MIB1: variants seen among roughly 807,000 people sequenced by gnomAD.
The protein encoded by MIB1 is E3 ubiquitin-protein ligase MIB1.
MIB1 carries 278 observed loss-of-function variants against 124.5 expected under a neutral mutation model. The ratio of observed to expected loss-of-function variants is 2.23; its 90% CI spans 2.02 to 2.47. MIB1 has a LOEUF of 2.47. Ranked by LOEUF, MIB1 falls within the 30% of genes most tolerant of loss-of-function variation. The pLI is 0.00. For missense variants in MIB1, 957 were observed against 1,254.4 expected (o/e 0.76, Z 3.58); for synonymous variants, 446 against 429.4 (o/e 1.04, Z -0.48).
chr18:21,805,437 ATCTT>A (rs1324448280), intron 10 of MIB1, among the ~76,000 whole-genome samples: 1 of 152,196 alleles, frequency 6.6e-6, no homozygotes, highest in East Asian at 1.9e-4. Context: ...TTTAAGTTGC[ATCTT>A]TCTTGATTGT....
intron 1 of MIB1, among the ~76,000 whole-genome samples, chr18:21,760,444 C>T (rs1035449905): frequency 2.6e-5 from 4 of 152,056 alleles, no homozygotes; most frequent in Admixed American, 1.3e-4. Context: ...GAATGGGTTG[C>T]TTTGTTTACA....
intron 7 of MIB1, among the ~76,000 whole-genome samples, chr18:21,797,727 T>C (rs1413465004): frequency 2.0e-5 from 3 of 152,060 alleles, no homozygotes; most frequent in Non-Finnish European, 1.5e-5. Flanking sequence ...AATTTTCTTT[T>C]TCAGGCTATA....
At chr18:21,795,400 A>G (rs972883089) in intron 7 of MIB1, among the ~76,000 whole-genome samples, 4 of 145,194 alleles carry the variant, frequency 2.8e-5, no homozygotes, top group African/African-American at 1.0e-4. Flanking sequence ...TTTTATATAT[A>G]CACACACATA....
rs892071074 is a variant in MIB1 at position 21,866,040 on chromosome 18, T to C, written c.*1374T>C. ...TTGCTGCTAGATTATATCAGGTGTT[T>C]ACATAGTGTCTACTATATGCTGTTG... On this transcript the variant is annotated 3_prime_UTR_variant, in exon 21 of 21. Coordinates refer to ENST00000261537, the MANE Select transcript of MIB1 (RefSeq NM_020774.4). 1 of 152,250 alleles carries C rather than the reference T, an allele frequency of 6.6e-6. No individual in the cohort carries two copies. Among genetic ancestry groups the C allele is most frequent in the African/African-American group, 2.4e-5 (1 of 41,474 alleles). 9.4% of individuals were successfully genotyped at this position (152,250 alleles called of 1,614,324 possible).
intron 1 of MIB1, 85 bp from the exon 2 acceptor site, chr18:21,765,687 C>G: frequency 7.7e-7 from 1 of 1,298,102 alleles, no homozygotes; most frequent in Non-Finnish European, 1.1e-6. Flanking sequence ...GTAAAATGTT[C>G]TGTTCTTATT....
At chr18:21,712,376 A>T (rs1409892705) in intron 1 of MIB1, among the ~76,000 whole-genome samples, 3 of 152,056 alleles carry the variant, frequency 2.0e-5, no homozygotes, top group Admixed American at 6.6e-5. Context: ...TTCATTTCCA[A>T]CCAATACGAT....
intron 2 of MIB1, among the ~76,000 whole-genome samples, chr18:21,766,568 G>T (rs1426499402): frequency 6.6e-6 from 1 of 152,134 alleles, no homozygotes; most frequent in African/African-American, 2.4e-5. Context: ...AAAGGAGCGA[G>T]AATCCAGCCA....
intron 2 of MIB1, among the ~76,000 whole-genome samples, chr18:21,768,282 CTTCT>C (rs2041186821): frequency 6.6e-6 from 1 of 152,206 alleles, no homozygotes; most frequent in African/African-American, 2.4e-5. Flanking sequence ...GGGCACATTA[CTTCT>C]TTGAGACTCA....
upstream of MIB1, among the ~76,000 whole-genome samples, chr18:21,740,155 CATA>C (rs1015553851): frequency 6.6e-6 from 1 of 152,162 alleles, no homozygotes; most frequent in African/African-American, 2.4e-5. Flanking sequence ...CCCTATGCAG[CATA>C]ATGTCATTTG....
chr18:21,778,489 G>A (rs2041318833), intron 5 of MIB1, among the ~76,000 whole-genome samples: 1 of 151,962 alleles, frequency 6.6e-6, no homozygotes, highest in Non-Finnish European at 1.5e-5. Flanking sequence ...ATTGAGAATA[G>A]GATTTGACAC....
chr18:21,846,850 A>C (rs750547221), intron 15 of MIB1, 94 bp from the exon 16 acceptor site: 7 of 1,210,028 alleles, frequency 5.8e-6, no homozygotes, highest in Non-Finnish European at 8.3e-6. Context: ...ACTAGAACTC[A>C]TAAGTGTCCA....
chr18:21,709,170 T>A (rs188498904), intron 1 of MIB1, among the ~76,000 whole-genome samples: 1 of 151,954 alleles, frequency 6.6e-6, no homozygotes, highest in African/African-American at 2.4e-5. Flanking sequence ...CAAAAAAAAT[T>A]AGCTGGGTGC....
intron 13 of MIB1, among the ~76,000 whole-genome samples, chr18:21,840,478 C>T (rs537281131): frequency 1.3e-5 from 2 of 151,826 alleles, no homozygotes; most frequent in African/African-American, 4.8e-5. Flanking sequence ...AGTTATAGAC[C>T]TGAATGTAAA....
At chr18:21,857,371 A>G in intron 19 of MIB1, 128 bp downstream of exon 19, 1 of 646,506 alleles carries the variant, frequency 1.5e-6, no homozygotes, top group Non-Finnish European at 2.8e-6. Context: ...CCACAGTGGA[A>G]CAGGTATTGT....
chr18:21,721,533 T>C (rs893194393), intron 1 of MIB1, among the ~76,000 whole-genome samples: 6 of 152,080 alleles, frequency 3.9e-5, no homozygotes, highest in African/African-American at 1.2e-4. Flanking sequence ...GTGACTGGGA[T>C]AGTATCTGAT....
chr18:21,724,928 T>TA (rs1331745724), intron 1 of MIB1, among the ~76,000 whole-genome samples: 3 of 144,424 alleles, frequency 2.1e-5, no homozygotes, highest in Non-Finnish European at 4.6e-5. Flanking sequence ...CTGTCTCTAC[T>TA]AAAAAAAATA....
chr18:21,744,446 A>G (rs963943759), intron 1 of MIB1, among the ~76,000 whole-genome samples: 3 of 152,210 alleles, frequency 2.0e-5, no homozygotes, highest in Non-Finnish European at 4.4e-5. Flanking sequence ...GAAAATTAAC[A>G]CTAATACGGT....
rs775769468 is a variant in MIB1, at chr18:21,791,435, C to T, written c.970C>T (p.Gln324Ter). The T allele has an allele frequency of 7.4e-6, 12 of 1,613,840 alleles. No individual in the cohort carries two copies. The highest frequency in any genetic ancestry group is 1.7e-5 in the Admixed American group (1 of 59,976). Residue 324 changes from glutamine to a stop codon, truncating the protein, a stop_gained, in exon 7 of 21, where the codon CAG becomes TAG. Transcript: ENST00000261537. LOFTEE classifies it high-confidence loss of function. ...ANIVRSGDAAQGAEGGTSQFQ... is the reference protein window; with the variant it reads ...ANIVRSGDAA ...CATTGTCCGAAGTGGAGATGCTGCT[C>T]AGGGTGCAGAAGGAGGCACCTCGCA... is the stretch of plus-strand genomic sequence containing the variant.
intron 1 of MIB1, among the ~76,000 whole-genome samples, chr18:21,705,854 C>T (rs2040620991): frequency 6.6e-6 from 1 of 152,100 alleles, no homozygotes; most frequent in African/African-American, 2.4e-5. Flanking sequence ...ACAATTTCTA[C>T]TTTATAGAGT....
Sources: gnomAD v4.1 joint callset for allele counts (sites outside exome capture counted in the v4.1 genomes callset) on GRCh38, gnomAD v4.1.1 for gene constraint, MANE v1.5 for transcripts, NCBI Gene and HGNC (gene_info 2026-07-23, HGNC 2026-07-21) for gene names.